The following RIN3 variants were observed in gnomAD, a reference collection of about 807,000 sequenced individuals.
The protein encoded by RIN3 is Ras and Rab interactor 3, also known as RAB5 interacting protein 3.
RIN3 carries 54 observed loss-of-function variants against 76.3 expected under a neutral mutation model. The ratio of observed to expected loss-of-function variants is 0.71; its 90% confidence interval spans 0.57 to 0.89. RIN3 has a LOEUF of 0.89. RIN3 is among the 40% of genes least tolerant of loss of function. The pLI is 0.00. For missense variants in RIN3, 1,256 were observed against 1,322.1 expected (o/e 0.95, Z 0.78); for synonymous variants, 576 against 564.0 (o/e 1.02, Z -0.30).
chr14:92,613,892 C>T (rs1448545867), intron 3 of RIN3, among the ~76,000 whole-genome samples: 1 of 152,196 alleles, frequency 6.6e-6, no homozygotes, highest in Non-Finnish European at 1.5e-5. Flanking sequence ...ATGTGGGGCT[C>T]TCACGTGCAG....
chr14:92,611,371 G>A (rs1230621261), intron 3 of RIN3, among the ~76,000 whole-genome samples: 7 of 152,074 alleles, frequency 4.6e-5, no homozygotes, highest in South Asian at 2.1e-4. Context: ...TGCCTCCCAG[G>A]TTCAAGCGAT....
chr14:92,659,575 C>T (rs748904807), intron 7 of RIN3, 106 bp downstream of exon 7: 6 of 1,094,264 alleles, frequency 5.5e-6, no homozygotes, highest in Middle Eastern at 2.1e-4. Context: ...CCAGACTTTC[C>T]AGATTCAGAG....
intron 1 of RIN3, among the ~76,000 whole-genome samples, chr14:92,524,763 G>A (rs1378364131): frequency 6.6e-6 from 1 of 152,236 alleles, no homozygotes; most frequent in Non-Finnish European, 1.5e-5. Flanking sequence ...GGCTCAGAGA[G>A]GGGAAGTGGT....
chr14:92,525,694 G>C (rs1896710515), intron 1 of RIN3, among the ~76,000 whole-genome samples: 1 of 152,170 alleles, frequency 6.6e-6, no homozygotes, highest in Non-Finnish European at 1.5e-5. Flanking sequence ...TGTTGGGGAG[G>C]TGCCAAAGCC....
intron 8 of RIN3, among the ~76,000 whole-genome samples, chr14:92,682,551 A>G (rs1294270204): frequency 6.6e-6 from 1 of 152,058 alleles, no homozygotes; most frequent in African/African-American, 2.4e-5. Flanking sequence ...TGTGTCTGTC[A>G]CCTGTGATCA....
At chr14:92,617,207 G>A (rs2140105419) in intron 4 of RIN3, among the ~76,000 whole-genome samples, 1 of 152,180 alleles carries the variant, frequency 6.6e-6, no homozygotes, top group South Asian at 2.1e-4. Flanking sequence ...GGCTGAAACA[G>A]GAGAATTGCT....
chr14:92,526,967 C>T (rs750168617), intron 1 of RIN3, among the ~76,000 whole-genome samples: 1 of 151,668 alleles, frequency 6.6e-6, no homozygotes, highest in Non-Finnish European at 1.5e-5. Context: ...TCCCTTGGCT[C>T]GTGGCTGTAC....
chr14:92,659,498 T>C (rs755164109), intron 7 of RIN3, 29 bp downstream of exon 7: 262 of 1,559,894 alleles, frequency 1.7e-4, no homozygotes, highest in Non-Finnish European at 2.2e-4. Context: ...GGGGTCTGGG[T>C]GAGGAGCTCT....
chr14:92,617,260 A>G (rs1886005002), intron 4 of RIN3, among the ~76,000 whole-genome samples: 1 of 152,084 alleles, frequency 6.6e-6, no homozygotes, highest in African/African-American at 2.4e-5. Context: ...AGATCGTACC[A>G]TTGCACCCCA....
At chr14:92,619,696 G>T (rs1886107007) in intron 4 of RIN3, among the ~76,000 whole-genome samples, 1 of 152,138 alleles carries the variant, frequency 6.6e-6, no homozygotes, top group African/African-American at 2.4e-5. Context: ...CAAAGTGCTG[G>T]ATTACAGGCC....
intron 1 of RIN3, among the ~76,000 whole-genome samples, chr14:92,553,557 G>A (rs542682142): frequency 2.0e-4 from 31 of 151,984 alleles, no homozygotes; most frequent in Admixed American, 5.9e-4. Flanking sequence ...GCCCCCACCA[G>A]CCCCAGGATT....
At chr14:92,527,061 T>C (rs1896752887) in intron 1 of RIN3, among the ~76,000 whole-genome samples, 1 of 147,148 alleles carries the variant, frequency 6.8e-6, no homozygotes. Flanking sequence ...TTTTTTTTTT[T>C]TTTTTTTGAG....
intron 3 of RIN3, among the ~76,000 whole-genome samples, chr14:92,584,444 C>T (rs926634147): frequency 3.9e-5 from 6 of 152,186 alleles, no homozygotes. Flanking sequence ...AAGTCTAATC[C>T]TCCGGCAAGC....
chr14:92,677,389 A>T (rs994378400), intron 8 of RIN3, among the ~76,000 whole-genome samples: 4 of 152,084 alleles, frequency 2.6e-5, no homozygotes, highest in African/African-American at 9.7e-5. Context: ...CAAAGGAGGG[A>T]ACCATCCTCC....
intron 3 of RIN3, among the ~76,000 whole-genome samples, chr14:92,609,552 G>T (rs1272115498): frequency 6.6e-6 from 1 of 152,210 alleles, no homozygotes; most frequent in Non-Finnish European, 1.5e-5. Context: ...GGAGGAGTAG[G>T]CTGGCCGGCT....
chr14:92,577,516 G>T, intron 3 of RIN3, 39 bp downstream of exon 3: 1 of 1,310,962 alleles, frequency 7.6e-7, no homozygotes, highest in South Asian at 1.2e-5. Flanking sequence ...TTGACCACGC[G>T]GCAGCAGCAG....
intron 2 of RIN3, chr14:92,576,270 A>G (rs1269112677): frequency 1.6e-6 from 2 of 1,288,878 alleles, no homozygotes; most frequent in African/African-American, 3.0e-5. Flanking sequence ...AGGCAGCAGA[A>G]TCCCGCTCCC....
intron 7 of RIN3, among the ~76,000 whole-genome samples, chr14:92,672,632 A>G (rs1410119871): frequency 6.6e-6 from 1 of 150,908 alleles, no homozygotes; most frequent in Non-Finnish European, 1.5e-5. Context: ...CTCAACCACA[A>G]AGATAAATTA....
chr14:92,543,707 C>G (rs1287071456), intron 1 of RIN3, among the ~76,000 whole-genome samples: 1 of 145,368 alleles, frequency 6.9e-6, no homozygotes, highest in African/African-American at 2.5e-5. Flanking sequence ...CTCAGCCTCT[C>G]AAGTAGCTGG....
Sources: allele counts gnomAD v4.1 joint callset (sites outside exome capture counted in the v4.1 genomes callset), GRCh38; gene constraint gnomAD v4.1.1; transcripts MANE v1.5; gene names NCBI Gene and HGNC (gene_info 2026-07-23, HGNC 2026-07-21).